Variants in TAS2R1 observed in about 807,000 individuals in gnomAD.
TAS2R1 encodes the protein taste receptor type 2 member 1.
For missense variants in TAS2R1, 370 were observed against 353.4 expected, an observed-to-expected ratio of 1.05 and a Z score of -0.38; for synonymous variants, 141 against 134.2, an observed-to-expected ratio of 1.05 and a Z score of -0.35.
At chr5:9,703,191 C>T (rs918766219) in intron 1 of TAS2R1, among the ~76,000 whole-genome samples, 3 of 152,094 alleles carry the variant, frequency 2.0e-5, no homozygotes, top group Admixed American at 2.0e-4. Flanking sequence ...CCTCACTGGG[C>T]AGTGAAGACA....
At chr5:9,876,801 G>A in the TAS2R1 span, among the ~76,000 whole-genome samples, 2 of 152,246 alleles carry the variant, frequency 1.3e-5, no homozygotes, top group African/African-American at 2.4e-5. Flanking sequence ...AACATCAGGA[G>A]TGGGAGGGGA....
intron 2 of TAS2R1, among the ~76,000 whole-genome samples, chr5:9,657,372 A>G (rs897198160): frequency 2.6e-5 from 4 of 152,360 alleles, no homozygotes; most frequent in South Asian, 4.1e-4. Context: ...TAGCTTAGTT[A>G]GATCCTTTTC....
At chr5:9,676,740 G>T (rs1239361829) in intron 1 of TAS2R1, among the ~76,000 whole-genome samples, 6 of 152,020 alleles carry the variant, frequency 3.9e-5, no homozygotes, top group Admixed American at 6.6e-5. Flanking sequence ...ATCCATAAGA[G>T]AAAAATTTGA....
At chr5:9,841,999 G>C in the TAS2R1 span, among the ~76,000 whole-genome samples, 22 of 152,284 alleles carry the variant, frequency 1.4e-4, no homozygotes, top group African/African-American at 5.3e-4. Flanking sequence ...CTTTGACCTA[G>C]AAGTCTCATG....
intron 2 of TAS2R1, among the ~76,000 whole-genome samples, chr5:9,649,173 G>A (rs1296001942): frequency 2.6e-5 from 4 of 151,986 alleles, no homozygotes; most frequent in Non-Finnish European, 4.4e-5. Flanking sequence ...GTATTTTTTT[G>A]TCCACCGAAC....
the TAS2R1 span, among the ~76,000 whole-genome samples, chr5:9,798,794 T>C: frequency 6.6e-6 from 1 of 152,228 alleles, no homozygotes; most frequent in Non-Finnish European, 1.5e-5. Context: ...TAAAATCCAG[T>C]ACCACATGGA....
chr5:9,800,779 T>C, the TAS2R1 span, among the ~76,000 whole-genome samples: 2 of 152,266 alleles, frequency 1.3e-5, no homozygotes, highest in South Asian at 4.1e-4. Flanking sequence ...TCCCCTAAAA[T>C]TCATATTTTG....
chr5:9,808,729 G>T, the TAS2R1 span, among the ~76,000 whole-genome samples: 1 of 152,152 alleles, frequency 6.6e-6, no homozygotes, highest in Non-Finnish European at 1.5e-5. Context: ...TAGGATGATA[G>T]GGAAGATGAT....
intron 1 of TAS2R1, among the ~76,000 whole-genome samples, chr5:9,679,147 T>C (rs1470860195): frequency 1.3e-5 from 2 of 152,156 alleles, no homozygotes; most frequent in South Asian, 4.1e-4. Flanking sequence ...CACGACATTC[T>C]ATAAAAGACA....
chr5:9,667,632 A>G (rs1015124231), intron 1 of TAS2R1, among the ~76,000 whole-genome samples: 3 of 152,212 alleles, frequency 2.0e-5, no homozygotes, highest in Non-Finnish European at 4.4e-5. Flanking sequence ...CCAACAAAAG[A>G]AATGTGGGCA....
At chr5:9,877,224 T>C in the TAS2R1 span, among the ~76,000 whole-genome samples, 12 of 152,212 alleles carry the variant, frequency 7.9e-5, no homozygotes, top group African/African-American at 2.7e-4. Flanking sequence ...GTTTATGCAT[T>C]TTCTTATTTT....
chr5:9,759,836 G>A, the TAS2R1 span, among the ~76,000 whole-genome samples: 2 of 152,198 alleles, frequency 1.3e-5, no homozygotes, highest in African/African-American at 4.8e-5. Flanking sequence ...GAACCAATGT[G>A]TAGATTCTTT....
intron 2 of TAS2R1, among the ~76,000 whole-genome samples, chr5:9,656,187 A>G (rs1036660526): frequency 6.6e-6 from 1 of 152,198 alleles, no homozygotes; most frequent in African/African-American, 2.4e-5. Context: ...TATTCCTTGA[A>G]TGTTTTATTG....
chr5:9,685,021 G>C (rs1187979858), intron 1 of TAS2R1, among the ~76,000 whole-genome samples: 2 of 152,140 alleles, frequency 1.3e-5, no homozygotes, highest in Non-Finnish European at 1.5e-5. Context: ...GTTCAGAACA[G>C]GGCCTGGAAG....
the TAS2R1 span, among the ~76,000 whole-genome samples, chr5:9,750,181 C>A: frequency 6.6e-6 from 1 of 152,192 alleles, no homozygotes; most frequent in Non-Finnish European, 1.5e-5. Flanking sequence ...CCTGGCTGCA[C>A]CCCTCTACGG....
the TAS2R1 span, among the ~76,000 whole-genome samples, chr5:9,888,740 T>C: frequency 1.1e-3 from 173 of 152,088 alleles, no homozygotes; most frequent in African/African-American, 4.1e-3. Context: ...AAAGGAAACA[T>C]CCATGGTGCT....
chr5:9,820,902 C>G, the TAS2R1 span, among the ~76,000 whole-genome samples: 1 of 152,208 alleles, frequency 6.6e-6, no homozygotes, highest in Non-Finnish European at 1.5e-5. Context: ...GATTTTCCCA[C>G]CAGCATTCCT....
At chr5:9,655,682 T>C (rs1024230043) in intron 2 of TAS2R1, among the ~76,000 whole-genome samples, 66 of 152,142 alleles carry the variant, frequency 4.3e-4, no homozygotes, top group African/African-American at 1.6e-3. Context: ...TACTGTATAT[T>C]TGGATTTTTA....
the TAS2R1 span, among the ~76,000 whole-genome samples, chr5:9,797,954 C>T: frequency 6.6e-6 from 1 of 152,286 alleles, no homozygotes. Context: ...ATGTTCACAG[C>T]AGCATTATTC....
Sources: gnomAD v4.1 joint callset for allele counts (sites outside exome capture counted in the v4.1 genomes callset) on GRCh38, gnomAD v4.1.1 for gene constraint, MANE v1.5 for transcripts, NCBI Gene and HGNC (gene_info 2026-07-23, HGNC 2026-07-21) for gene names.